The following SLC16A7 variants were observed in gnomAD, a reference collection of about 807,000 sequenced individuals.
SLC16A7 encodes the protein monocarboxylate transporter 2.
A neutral mutation model predicts 34.9 loss-of-function variants in SLC16A7; 33 were observed. The ratio of observed to expected loss-of-function variants is 0.94; its 90% CI spans 0.72 to 1.26. The LOEUF is 1.26. SLC16A7 is among the 50% of genes most tolerant of loss of function. SLC16A7 has a pLI of 0.00. For missense variants in SLC16A7, 573 were observed against 578.1 expected, an observed-to-expected ratio of 0.99 and a Z score of 0.09; for synonymous variants, 201 against 206.6, an observed-to-expected ratio of 0.97 and a Z score of 0.23.
chr12:59,786,768 G>T lies in SLC16A7; in HGVS notation c.*7089G>T, dbSNP rs997822536. 2 of 152,232 alleles carry T rather than the reference G, an allele frequency of 1.3e-5. No homozygotes were observed. The highest frequency in any genetic ancestry group is 3.4e-3 in the Middle Eastern group (1 of 294). 9.4% of individuals were successfully genotyped at this position (152,232 alleles called of 1,614,324 possible). A position where few individuals can be genotyped will look rare whatever the true frequency, so the allele number is the denominator to read the frequency against. On this transcript the variant is annotated 3_prime_UTR_variant, in exon 6 of 6. Transcript: ENST00000547379. ...CTGAATAAATGCAGGGTTGGAGATA[G>T]AATTCAGGTCTTTTAACTTCTAACA...
At chr12:59,751,453 C>T (rs569325874) in intron 3 of SLC16A7, among the ~76,000 whole-genome samples, 1 of 152,382 alleles carries the variant, frequency 6.6e-6, no homozygotes, top group South Asian at 2.1e-4. Flanking sequence ...GAGATTATAT[C>T]CTGCACCTGG....
intron 3 of SLC16A7, among the ~76,000 whole-genome samples, chr12:59,758,241 A>G (rs1880618655): frequency 6.6e-6 from 1 of 152,086 alleles, no homozygotes; most frequent in African/African-American, 2.4e-5. Context: ...ATCTCATGTT[A>G]AGTGTTCTTA....
chr12:59,757,845 A>G (rs904238119), intron 3 of SLC16A7, among the ~76,000 whole-genome samples: 1 of 151,998 alleles, frequency 6.6e-6, no homozygotes, highest in East Asian at 1.9e-4. Context: ...CTTCCTTATG[A>G]TTTTCTTAAT....
At chr12:59,633,623 C>T (rs1880284505) in intron 1 of SLC16A7, among the ~76,000 whole-genome samples, 1 of 151,494 alleles carries the variant, frequency 6.6e-6, no homozygotes, top group Non-Finnish European at 1.5e-5. Flanking sequence ...TAAGTAACTA[C>T]CAGAGACTGG....
chr12:59,610,124 C>A (rs1043963347), intron 1 of SLC16A7, among the ~76,000 whole-genome samples: 1 of 152,086 alleles, frequency 6.6e-6, no homozygotes, highest in Non-Finnish European at 1.5e-5. Context: ...GAGTGGAATC[C>A]TCCCTCTTTG....
At chr12:59,749,416 G>A (rs1879252576) in intron 3 of SLC16A7, among the ~76,000 whole-genome samples, 1 of 152,024 alleles carries the variant, frequency 6.6e-6, no homozygotes, top group Non-Finnish European at 1.5e-5. Flanking sequence ...TTTTGATATT[G>A]GATAATGACC....
chr12:59,655,984 A>G (rs185465353), intron 2 of SLC16A7, among the ~76,000 whole-genome samples: 3 of 152,164 alleles, frequency 2.0e-5, no homozygotes, highest in Admixed American at 1.3e-4. Flanking sequence ...TTTCAAATGA[A>G]TGTAACCAAC....
intron 1 of SLC16A7, among the ~76,000 whole-genome samples, chr12:59,612,971 A>G (rs1484103269): frequency 2.0e-5 from 3 of 152,134 alleles, no homozygotes; most frequent in Non-Finnish European, 1.5e-5. Flanking sequence ...TCTGCCTATT[A>G]CCCAGTTCCA....
At chr12:59,754,399 A>T (rs1049914689) in intron 3 of SLC16A7, among the ~76,000 whole-genome samples, 5 of 152,110 alleles carry the variant, frequency 3.3e-5, no homozygotes, top group African/African-American at 1.2e-4. Flanking sequence ...AATCAAATAG[A>T]CGCAATAAAA....
intron 2 of SLC16A7, among the ~76,000 whole-genome samples, chr12:59,699,416 C>T (rs1872644599): frequency 6.6e-6 from 1 of 151,652 alleles, no homozygotes; most frequent in Non-Finnish European, 1.5e-5. Flanking sequence ...TTCATGTCTA[C>T]TGCATTAGAA....
rs75081198 is a variant in SLC16A7 at position 59,719,517 on chromosome 12, C to A, written c.217+14499C>A. On this transcript the variant is annotated intron_variant, in intron 3 of 5. Coordinates refer to ENST00000547379, the MANE Select transcript of SLC16A7 (RefSeq NM_001270623.2). Reference sequence around the variant, plus strand: ...AAATGAGTTAAACCAAATTTTATAACAGTTTGTAATAAATAAACTTTAGAT... The same window carrying A: ...AAATGAGTTAAACCAAATTTTATAAAAGTTTGTAATAAATAAACTTTAGAT... Among the ~76,000 whole-genome samples, 13 of 152,110 alleles carry A rather than the reference C, an allele frequency of 8.5e-5. No individual in the cohort carries two copies. In the East Asian group the frequency reaches 2.5e-3, roughly 29 times the overall value.
intron 2 of SLC16A7, among the ~76,000 whole-genome samples, chr12:59,701,284 C>T (rs1023846710): frequency 1.3e-5 from 2 of 151,552 alleles, no homozygotes; most frequent in African/African-American, 2.4e-5. Context: ...CAGATGAAAC[C>T]ACAGACTCAG....
At chr12:59,636,521 A>G (rs183529975) in intron 1 of SLC16A7, among the ~76,000 whole-genome samples, 1 of 152,192 alleles carries the variant, frequency 6.6e-6, no homozygotes, top group Admixed American at 6.5e-5. Flanking sequence ...TTGTAGTGCA[A>G]TGGCACAATC....
At chr12:59,703,157 A>G (rs1592531417) in intron 2 of SLC16A7, among the ~76,000 whole-genome samples, 1 of 152,140 alleles carries the variant, frequency 6.6e-6, no homozygotes, top group East Asian at 1.9e-4. Flanking sequence ...AAGATAAGTA[A>G]TTTGAACTCT....
At chr12:59,669,277 T>G (rs1168148579) in intron 2 of SLC16A7, among the ~76,000 whole-genome samples, 1 of 152,212 alleles carries the variant, frequency 6.6e-6, no homozygotes, top group African/African-American at 2.4e-5. Flanking sequence ...ACAATCCACA[T>G]ACAATTTGAA....
chr12:59,641,163 C>G (rs1880668404), intron 1 of SLC16A7, among the ~76,000 whole-genome samples: 1 of 152,060 alleles, frequency 6.6e-6, no homozygotes, highest in South Asian at 2.1e-4. Context: ...GGGTAAATCT[C>G]TATCTTATCA....
intron 3 of SLC16A7, among the ~76,000 whole-genome samples, chr12:59,741,305 C>T (rs1878309113): frequency 1.3e-5 from 2 of 152,132 alleles, no homozygotes; most frequent in Non-Finnish European, 1.5e-5. Context: ...TATCAAAGTG[C>T]CCTTTATACC....
In SLC16A7 at chr12:59,713,192, G is replaced by A. The variant is rs1479636908; in HGVS notation, c.217+8174G>A. 2.6e-5 allele frequency among the ~76,000 whole-genome samples: 4 copies of A among 151,796 alleles called. No homozygotes were observed. In the East Asian group the frequency reaches 5.8e-4, roughly 22 times the overall value. ...CCACGACCACACCCAGCTAATTTTT[G>A]TATTTTTGATAGAGACAGGGTTTCA... On this transcript the variant is annotated intron_variant, in intron 3 of 5. Transcript: ENST00000547379.
At position 59,779,798 on chromosome 12, in the gene SLC16A7, G is replaced by A; in HGVS notation, c.*119G>A. The A allele has an allele frequency of 1.3e-6, 1 of 752,952 alleles. No individual in the cohort carries two copies. The highest frequency in any genetic ancestry group is 2.1e-6 in the Non-Finnish European group (1 of 482,378). 46.6% of individuals were successfully genotyped at this position (752,952 alleles called of 1,614,324 possible). On this transcript the variant is annotated 3_prime_UTR_variant, in exon 6 of 6. Transcript: ENST00000547379. ...GAAATGAGGAGTCACAATTAAGGAT[G>A]GAGGTGATATTTTCCTCAATGGCAA...
Sources: gnomAD v4.1 joint callset for allele counts (sites outside exome capture counted in the v4.1 genomes callset) on GRCh38, gnomAD v4.1.1 for gene constraint, MANE v1.5 for transcripts, NCBI Gene and HGNC (gene_info 2026-07-23, HGNC 2026-07-21) for gene names.